Variants in NKAIN3 observed in about 807,000 individuals in gnomAD.
NKAIN3 encodes sodium/potassium transporting ATPase interacting 3, also known as sodium/potassium-transporting ATPase subunit beta-1-interacting protein 3.
In NKAIN3, 25 loss-of-function variants were observed where a neutral mutation model predicts 30.2. That is an observed-to-expected ratio of 0.83 (90% confidence interval 0.60 to 1.16). NKAIN3 has a LOEUF of 1.16. Among genes scored for constraint, NKAIN3 ranks in the 50% most tolerant of loss-of-function variants. The probability of loss-of-function intolerance (pLI) is 0.00; values close to 1 mark genes in which losing one functional copy is unlikely to be tolerated. For synonymous variants in NKAIN3, 91 were observed against 89.6 expected (o/e 1.02, Z -0.09); for missense variants, 225 against 254.1 (o/e 0.89, Z 0.78).
intron 4 of NKAIN3, among the ~76,000 whole-genome samples, chr8:62,805,233 A>G (rs2130702699): frequency 6.6e-6 from 1 of 151,972 alleles, no homozygotes; most frequent in Admixed American, 6.6e-5. Flanking sequence ...TGCCCAAGGT[A>G]ATTTAGAGAT....
At chr8:62,815,118 A>G (rs1367121645) in intron 4 of NKAIN3, among the ~76,000 whole-genome samples, 4 of 152,172 alleles carry the variant, frequency 2.6e-5, no homozygotes, top group African/African-American at 7.2e-5. Context: ...TAGAAAATCT[A>G]GAAGAAATGG....
chr8:62,481,917 A>C (rs570059177), intron 1 of NKAIN3, among the ~76,000 whole-genome samples: 47 of 152,186 alleles, frequency 3.1e-4, no homozygotes, highest in Non-Finnish European at 6.2e-4. Context: ...TATGCTGTGA[A>C]TGGTGGTTAG....
chr8:62,649,415 A>G (rs1812559699), intron 3 of NKAIN3, among the ~76,000 whole-genome samples: 1 of 152,186 alleles, frequency 6.6e-6, no homozygotes, highest in South Asian at 2.1e-4. Context: ...ACTTCATGCC[A>G]GGGATTGTGC....
chr8:62,338,499 A>G (rs1815637524), intron 1 of NKAIN3, among the ~76,000 whole-genome samples: 1 of 152,052 alleles, frequency 6.6e-6, no homozygotes, highest in Non-Finnish European at 1.5e-5. Flanking sequence ...GATGAATGCC[A>G]TGAAAGGATT....
chr8:62,269,113 G>A (rs181771377), intron 1 of NKAIN3, among the ~76,000 whole-genome samples: 1 of 152,208 alleles, frequency 6.6e-6, no homozygotes, highest in African/African-American at 2.4e-5. Flanking sequence ...TGTAATGTGC[G>A]GGAGATGTAT....
intron 1 of NKAIN3, among the ~76,000 whole-genome samples, chr8:62,324,372 A>T (rs1288668741): frequency 1.1e-4 from 16 of 152,108 alleles, no homozygotes; most frequent in Non-Finnish European, 4.4e-5. Context: ...ATTACGACCT[A>T]AAAATATGTT....
chr8:62,892,552 T>C (rs535775713), intron 4 of NKAIN3, among the ~76,000 whole-genome samples: 1 of 152,294 alleles, frequency 6.6e-6, no homozygotes, highest in South Asian at 2.1e-4. Flanking sequence ...TACAAACATA[T>C]TTCTGAAGAA....
At chr8:62,631,406 A>C (rs1208385029) in intron 3 of NKAIN3, among the ~76,000 whole-genome samples, 2 of 152,074 alleles carry the variant, frequency 1.3e-5, no homozygotes, top group Non-Finnish European at 2.9e-5. Context: ...AACATGAAAA[A>C]TCTTTCCATA....
chr8:62,490,990 A>T (rs1807050768), intron 1 of NKAIN3, among the ~76,000 whole-genome samples: 1 of 152,222 alleles, frequency 6.6e-6, no homozygotes, highest in Admixed American at 6.5e-5. Flanking sequence ...TCTCCACACC[A>T]GGCCCTTGCT....
intron 3 of NKAIN3, among the ~76,000 whole-genome samples, chr8:62,695,772 T>G (rs975369747): frequency 2.0e-5 from 3 of 152,026 alleles, no homozygotes; most frequent in Admixed American, 1.3e-4. Context: ...CAGGGGAGAG[T>G]GAAGGCTCAG....
chr8:62,859,519 A>AAAAAAAAAAAAAAAAAAAAAAAAC (rs1305847084), intron 4 of NKAIN3, among the ~76,000 whole-genome samples: 1 of 150,436 alleles, frequency 6.6e-6, no homozygotes, highest in Non-Finnish European at 1.5e-5. Context: ...AAAAAAAAAA[A>AAAAAAAAAAAAAAAAAAAAAAAAC]AACTTCATGG....
intron 3 of NKAIN3, among the ~76,000 whole-genome samples, chr8:62,694,565 C>G (rs761296299): frequency 3.9e-5 from 6 of 152,124 alleles, no homozygotes; most frequent in Non-Finnish European, 5.9e-5. Context: ...ACGTCTCCCT[C>G]AATTCCAGTA....
intron 4 of NKAIN3, among the ~76,000 whole-genome samples, chr8:62,749,831 C>T (rs572764929): frequency 3.3e-5 from 5 of 151,480 alleles, no homozygotes; most frequent in South Asian, 2.1e-4. Flanking sequence ...TACAGGTGCA[C>T]GCCGCCACGT....
At chr8:62,832,258 GACACACACACACACACACACACAC>G (rs57632946) in intron 4 of NKAIN3, among the ~76,000 whole-genome samples, 2 of 132,600 alleles carry the variant, frequency 1.5e-5, no homozygotes, top group African/African-American at 5.6e-5. Context: ...TGACCAAACA[GACACACACACACACACACACACAC>G]ACACACACAC....
At chr8:62,566,946 A>G (rs1411157641) in intron 1 of NKAIN3, among the ~76,000 whole-genome samples, 2 of 152,164 alleles carry the variant, frequency 1.3e-5, no homozygotes, top group African/African-American at 4.8e-5. Flanking sequence ...GGGCATTAGT[A>G]GTATATAGGA....
At chr8:62,332,480 A>G (rs1003253729) in intron 1 of NKAIN3, among the ~76,000 whole-genome samples, 3 of 152,148 alleles carry the variant, frequency 2.0e-5, no homozygotes, top group Admixed American at 6.5e-5. Flanking sequence ...TAACATCTTT[A>G]TAATGCATTA....
intron 1 of NKAIN3, among the ~76,000 whole-genome samples, chr8:62,324,911 A>G (rs1026356515): frequency 3.3e-5 from 5 of 150,234 alleles, no homozygotes; most frequent in Non-Finnish European, 7.5e-5. Flanking sequence ...TACTTAGAAA[A>G]AGAAAGATGC....
chr8:62,410,897 G>C (rs911764500), intron 1 of NKAIN3, among the ~76,000 whole-genome samples: 1 of 152,066 alleles, frequency 6.6e-6, no homozygotes, highest in African/African-American at 2.4e-5. Flanking sequence ...AAAAAAATCA[G>C]TGAAACTGCC....
intron 3 of NKAIN3, among the ~76,000 whole-genome samples, chr8:62,611,082 C>G (rs1811275620): frequency 6.6e-6 from 1 of 152,026 alleles, no homozygotes; most frequent in African/African-American, 2.4e-5. Context: ...GTCTTTAGCA[C>G]TGAGAATTAA....
Sources: allele counts gnomAD v4.1 joint callset (sites outside exome capture counted in the v4.1 genomes callset), GRCh38; gene constraint gnomAD v4.1.1; transcripts MANE v1.5; gene names NCBI Gene and HGNC (gene_info 2026-07-23, HGNC 2026-07-21).